The following TUSC3 variants were observed in gnomAD, a reference collection of about 807,000 sequenced individuals.
The protein encoded by TUSC3 is dolichyl-diphosphooligosaccharide--protein glycosyltransferase subunit TUSC3.
In TUSC3, 45 loss-of-function variants were observed where a neutral mutation model predicts 44.8. The ratio of observed to expected loss-of-function variants is 1.00; its 90% CI spans 0.79 to 1.29. The LOEUF (loss-of-function observed/expected upper bound fraction) is 1.29. TUSC3 is among the 50% of genes most tolerant of loss of function. TUSC3 has a pLI of 0.00. For synonymous variants in TUSC3, 212 were observed against 152.9 expected (o/e 1.39, Z -2.85); for missense variants, 519 against 437.9 (o/e 1.19, Z -1.65).
intron 1 of TUSC3, among the ~76,000 whole-genome samples, chr8:15,566,925 C>CCT (rs1802700899): frequency 6.6e-6 from 1 of 152,110 alleles, no homozygotes; most frequent in Non-Finnish European, 1.5e-5. Context: ...GCCCGGCCAA[C>CCT]ACATATTCTT....
chr8:15,460,893 G>T (rs980271761), intron 1 of TUSC3, among the ~76,000 whole-genome samples: 2 of 152,126 alleles, frequency 1.3e-5, no homozygotes, highest in African/African-American at 4.8e-5. Context: ...CTATGTGCCT[G>T]TTTTTATACC....
the TUSC3 span, among the ~76,000 whole-genome samples, chr8:15,785,099 A>T: frequency 6.6e-6 from 1 of 152,108 alleles, no homozygotes; most frequent in Non-Finnish European, 1.5e-5. Context: ...CCACTAAAGA[A>T]TGAATTTCTA....
intron 2 of TUSC3, among the ~76,000 whole-genome samples, chr8:15,508,314 T>C (rs1183996464): frequency 2.6e-5 from 4 of 152,060 alleles, no homozygotes; most frequent in Non-Finnish European, 5.9e-5. Flanking sequence ...AAAAATTTTG[T>C]TGGATGTGAT....
the TUSC3 span, among the ~76,000 whole-genome samples, chr8:15,825,333 G>A: frequency 2.0e-5 from 3 of 152,170 alleles, no homozygotes; most frequent in South Asian, 2.1e-4. Flanking sequence ...CATGGTGGAA[G>A]GCAAAGGAGG....
At chr8:15,556,854 T>G (rs1256375355) in intron 1 of TUSC3, among the ~76,000 whole-genome samples, 2 of 137,632 alleles carry the variant, frequency 1.5e-5, no homozygotes, top group African/African-American at 5.3e-5. Context: ...TGGGGTTGTT[T>G]GTTTTTTTCT....
rs150962944 is a variant in TUSC3 at position 15,739,304 on chromosome 8, T to C, written c.863-4234T>C. On this transcript the variant is annotated intron_variant, in intron 7 of 10. Transcript: ENST00000503731. ...TAAGTTTTTTCAGTATTTTATGTTTTGCCTTATTTATTTGGGAATAGCTTT... is the reference window on the plus strand; with the variant it reads ...TAAGTTTTTTCAGTATTTTATGTTTCGCCTTATTTATTTGGGAATAGCTTT... 3.9e-4 allele frequency among the ~76,000 whole-genome samples: 60 copies of C among 152,306 alleles called. No individual in the cohort carries two copies. The East Asian group carries it at 9.5e-3, about 24-fold the overall frequency.
chr8:15,623,282 A>G (rs777224320), intron 2 of TUSC3, 33 bp downstream of exon 2: 9 of 1,540,126 alleles, frequency 5.8e-6, no homozygotes, highest in East Asian at 2.4e-5. Flanking sequence ...ATTAAAAACT[A>G]TTATTCTTGG....
the TUSC3 span, among the ~76,000 whole-genome samples, chr8:15,831,724 G>C: frequency 1.3e-5 from 2 of 152,076 alleles, no homozygotes; most frequent in East Asian, 3.9e-4. Flanking sequence ...AAATAAGACA[G>C]TCAGACAAGA....
the TUSC3 span, among the ~76,000 whole-genome samples, chr8:15,823,281 C>T: frequency 3.3e-5 from 5 of 152,010 alleles, no homozygotes; most frequent in Admixed American, 6.6e-5. Context: ...CTGGTGAAGT[C>T]CAAATTTGTC....
chr8:15,590,439 G>A (rs73193365), intron 1 of TUSC3, among the ~76,000 whole-genome samples: 10,029 of 151,812 alleles, frequency 0.066, 514 homozygotes, highest in South Asian at 0.25. Context: ...TTTCTCCTCC[G>A]GCTTCTAACT....
chr8:15,658,701 A>G (rs1203744135), intron 3 of TUSC3, among the ~76,000 whole-genome samples: 1 of 151,466 alleles, frequency 6.6e-6, no homozygotes, highest in East Asian at 1.9e-4. Context: ...TACACATACA[A>G]TATATATACA....
the TUSC3 span, among the ~76,000 whole-genome samples, chr8:15,830,823 A>T: frequency 0.091 from 13,867 of 152,212 alleles, 748 homozygotes; most frequent in Middle Eastern, 0.18. Flanking sequence ...TATTCAGGTG[A>T]TGGGTACACT....
chr8:15,658,639 T>TATACAC lies in TUSC3; in HGVS notation c.427-867_427-866insTACACA, dbSNP rs140837147. Among the ~76,000 whole-genome samples, 38 of 148,674 alleles carry TATACAC rather than the reference T, an allele frequency of 2.6e-4. 1 individual carries two copies. The highest frequency in any genetic ancestry group is 6.4e-4 in the South Asian group (3 of 4,690). ...ATTCGTGTATATATACACATATATATACACACACACACACACACACAAATA... is the reference window on the plus strand; with the variant it reads ...ATTCGTGTATATATACACATATATATATACACACACACACACACACACACACAAATA... On this transcript the variant is annotated intron_variant, in intron 3 of 10. Transcript: ENST00000503731.
At chr8:15,707,659 T>A (rs1809672839) in intron 6 of TUSC3, among the ~76,000 whole-genome samples, 1 of 151,896 alleles carries the variant, frequency 6.6e-6, no homozygotes, top group South Asian at 2.1e-4. Context: ...GATGACTCTA[T>A]AGGAGATGTG....
At chr8:15,749,322 G>A (rs760558021) in intron 9 of TUSC3, among the ~76,000 whole-genome samples, 6 of 152,032 alleles carry the variant, frequency 3.9e-5, no homozygotes, top group Non-Finnish European at 1.5e-5. Context: ...TTTTTAGAAC[G>A]TTTCCACACA....
intron 1 of TUSC3, among the ~76,000 whole-genome samples, chr8:15,554,715 G>A (rs780505048): frequency 6.9e-6 from 1 of 145,482 alleles, no homozygotes; most frequent in African/African-American, 2.5e-5. Flanking sequence ...CCATTCTCCT[G>A]CCTCAGCCTC....
intron 4 of TUSC3, among the ~76,000 whole-genome samples, chr8:15,660,465 T>G (rs1357249020): frequency 6.6e-6 from 1 of 152,142 alleles, no homozygotes; most frequent in East Asian, 1.9e-4. Context: ...TGATGGTAGT[T>G]CATACTTACT....
At chr8:15,423,969 G>GTTTTT (rs112397215) in intron 1 of TUSC3, among the ~76,000 whole-genome samples, 89 of 70,316 alleles carry the variant, frequency 1.3e-3, no homozygotes, top group Non-Finnish European at 1.8e-3. Flanking sequence ...GTTTTGCTTT[G>GTTTTT]TTTTTTTTTT....
intron 2 of TUSC3, among the ~76,000 whole-genome samples, chr8:15,532,597 T>C (rs564445482): frequency 1.3e-5 from 2 of 152,164 alleles, no homozygotes; most frequent in Admixed American, 1.3e-4. Flanking sequence ...CAAAAGTTTG[T>C]ATTCTTCTGA....
Sources: gnomAD v4.1 joint callset for allele counts (sites outside exome capture counted in the v4.1 genomes callset) on GRCh38, gnomAD v4.1.1 for gene constraint, MANE v1.5 for transcripts, NCBI Gene and HGNC (gene_info 2026-07-23, HGNC 2026-07-21) for gene names.